IL1RL2: variants seen among roughly 807,000 people sequenced by gnomAD.
IL1RL2 encodes interleukin 1 receptor like 2, also known as interleukin-1 receptor-like 2.
IL1RL2 carries 68 observed loss-of-function variants against 66.8 expected under a neutral mutation model. The observed-to-expected ratio is 1.02, with a 90% CI of 0.84 to 1.25. The LOEUF is 1.25. Ranked by LOEUF, IL1RL2 falls within the 50% of genes most tolerant of loss-of-function variation. IL1RL2 has a pLI of 0.00. For synonymous variants in IL1RL2, 305 were observed against 264.6 expected (o/e 1.15, Z -1.48); for missense variants, 729 against 709.3 (o/e 1.03, Z -0.32).
intron 11 of IL1RL2, among the ~76,000 whole-genome samples, chr2:102,237,214 G>T (rs1029718512): frequency 1.3e-5 from 2 of 152,196 alleles, no homozygotes; most frequent in Non-Finnish European, 2.9e-5. Context: ...GAAGGGGGAA[G>T]GGTGCTGAGA....
chr2:102,209,064 A>G (rs193053847), intron 5 of IL1RL2, among the ~76,000 whole-genome samples: 1 of 152,324 alleles, frequency 6.6e-6, no homozygotes, highest in East Asian at 1.9e-4. Context: ...TTGGTAACTG[A>G]GGGGAAATTT....
At chr2:102,219,843 T>A in intron 7 of IL1RL2, 38 bp from the exon 8 acceptor site, 3 of 1,556,852 alleles carry the variant, frequency 1.9e-6, no homozygotes, top group Non-Finnish European at 2.6e-6. Context: ...TGGGTAAATC[T>A]GACTCATGTA....
chr2:102,205,862 C>T (rs538746557), intron 5 of IL1RL2, among the ~76,000 whole-genome samples: 1 of 152,254 alleles, frequency 6.6e-6, no homozygotes, highest in South Asian at 2.1e-4. Context: ...AAGCCAATAA[C>T]TTTTAGATTT....
Position 102,201,680 on chromosome 2 carries a change from A to C in IL1RL2, c.614A>C (p.Gln205Pro). The change falls in exon 5 of 12, where the codon CAG becomes CCG. Residue 205 changes from glutamine (Q) to proline (P), a missense_variant. By Grantham distance (76) the Gln-to-Pro change is moderately conservative. Transcript: ENST00000264257. ...GCCATACTGACACACTCAGGGAAGC[A>C]GTACGAGGTTTTAAATGGCATCACT... is the stretch of plus-strand genomic sequence containing the variant. ...CQAILTHSGK[Q>P]YEVLNGITVS... 6.2e-7 allele frequency: 1 copy of C among 1,614,064 alleles called. No homozygotes were observed.
chr2:102,234,930 T>G lies in IL1RL2; in HGVS notation c.1331T>G (p.Leu444Arg). Reference protein sequence around the residue: ...VANVIDENVKLCRRLIVIVVP... With the variant: ...VANVIDENVKRCRRLIVIVVP... ...AATGTCATCGATGAAAACGTTAAGC[T>G]GTGCAGGAGGCTGATTGTCATTGTG... The change falls in exon 11 of 12, where the codon CTG becomes CGG. Residue 444 changes from leucine (L) to arginine (R), a missense_variant. Coordinates refer to ENST00000264257, the MANE Select transcript of IL1RL2 (RefSeq NM_003854.4). 1 of 1,614,142 alleles carries G rather than the reference T, an allele frequency of 6.2e-7. No individual in the cohort carries two copies. The highest frequency in any genetic ancestry group is 8.5e-7 in the Non-Finnish European group (1 of 1,179,986).
At chr2:102,201,278 A>G (rs576391372) in intron 4 of IL1RL2, among the ~76,000 whole-genome samples, 88 of 152,262 alleles carry the variant, frequency 5.8e-4, no homozygotes, top group African/African-American at 2.1e-3. Flanking sequence ...TTCAGCCTGT[A>G]AAATATCCTT....
At chr2:102,220,429 T>C (rs916473328) in intron 8 of IL1RL2, among the ~76,000 whole-genome samples, 1 of 152,216 alleles carries the variant, frequency 6.6e-6, no homozygotes, top group African/African-American at 2.4e-5. Context: ...AGAGGCTGAA[T>C]TCTGATATTT....
intron 5 of IL1RL2, among the ~76,000 whole-genome samples, chr2:102,206,485 G>C (rs1328502642): frequency 6.6e-6 from 1 of 152,190 alleles, no homozygotes; most frequent in Admixed American, 6.5e-5. Context: ...TTGCAGACCT[G>C]TAGAGGTACC....
rs536372163 is a variant in IL1RL2 at position 102,211,128 on chromosome 2, A to G, written c.650-972A>G. On this transcript the variant is annotated intron_variant, in intron 5 of 11. Coordinates refer to ENST00000264257, the MANE Select transcript of IL1RL2 (RefSeq NM_003854.4). ...GCTGGGGATAACTTTTGTTTGGGAC[A>G]TGCTGCATTTAAATAGTTTGTGGAA... 6.6e-5 allele frequency among the ~76,000 whole-genome samples: 10 copies of G among 152,350 alleles called. No homozygotes were observed. The South Asian group carries it at 2.1e-3, about 32-fold the overall frequency.
chr2:102,241,258 T>C (rs1433636648), downstream of IL1RL2, among the ~76,000 whole-genome samples: 9 of 152,240 alleles, frequency 5.9e-5, no homozygotes, highest in Non-Finnish European at 7.3e-5. Flanking sequence ...TGTCGCAGTC[T>C]GTCCAAGGGT....
intron 11 of IL1RL2, among the ~76,000 whole-genome samples, chr2:102,238,899 T>A (rs1176233463): frequency 6.6e-6 from 1 of 152,204 alleles, no homozygotes; most frequent in African/African-American, 2.4e-5. Flanking sequence ...AGGCTGTCCC[T>A]GGAGAGGAGC....
At chr2:102,187,803 C>G (rs1686819012) in intron 1 of IL1RL2, 53 bp from the exon 2 acceptor site, 1 of 1,490,276 alleles carries the variant, frequency 6.7e-7, no homozygotes, top group South Asian at 1.1e-5. Context: ...GCCGGCGCCT[C>G]GGGCCCGCCC....
chr2:102,221,369 G>A (rs539817834), intron 8 of IL1RL2, among the ~76,000 whole-genome samples: 13 of 152,112 alleles, frequency 8.5e-5, no homozygotes, highest in Admixed American at 2.0e-4. Context: ...ATATTGAGCT[G>A]TATACTGTCT....
In IL1RL2 at chr2:102,233,055, C is replaced by T. The variant is rs752763057; in HGVS notation, c.1228C>T (p.Pro410Ser). 6.2e-7 allele frequency: 1 copy of T among 1,614,120 alleles called. No individual in the cohort carries two copies. The highest frequency in any genetic ancestry group is 1.1e-5 in the South Asian group (1 of 91,080). ...GGATGCCCTGGTGTTGAATATCCTGCCCGAGGTGTTGGAGAGACAATGTGG... is the reference window on the plus strand; with the variant it reads ...GGATGCCCTGGTGTTGAATATCCTGTCCGAGGTGTTGGAGAGACAATGTGG... ...AVDALVLNIL[P>S]EVLERQCGYK... Residue 410 changes from proline to serine, a missense_variant, in exon 10 of 12, where the codon CCC becomes TCC. By Grantham distance (74) the Pro-to-Ser change is moderately conservative (BLOSUM62 -1). Coordinates refer to ENST00000264257, the MANE Select transcript of IL1RL2 (RefSeq NM_003854.4).
intron 5 of IL1RL2, among the ~76,000 whole-genome samples, chr2:102,202,587 C>T (rs1011500039): frequency 4.0e-5 from 6 of 151,772 alleles, no homozygotes; most frequent in South Asian, 2.1e-4. Context: ...TATTTAATTT[C>T]GTTTAATTCC....
At chr2:102,187,165 G>T (rs1371826681) in intron 1 of IL1RL2, 79 bp downstream of exon 1, 1 of 1,262,560 alleles carries the variant, frequency 7.9e-7, no homozygotes, top group Non-Finnish European at 1.0e-6. Flanking sequence ...AGGAAAAGAC[G>T]TGGCAACAAT....
chr2:102,189,406 T>C, intron 3 of IL1RL2, 96 bp downstream of exon 3: 1 of 729,922 alleles, frequency 1.4e-6, no homozygotes, highest in Non-Finnish European at 2.2e-6. Flanking sequence ...TTGAGAAGAA[T>C]TATGTTGTTG....
At chr2:102,202,186 C>T (rs60048771) in intron 5 of IL1RL2, among the ~76,000 whole-genome samples, 1 of 152,198 alleles carries the variant, frequency 6.6e-6, no homozygotes, top group Admixed American at 6.5e-5. Flanking sequence ...GACCTGTGTT[C>T]TCAGCCCAGA....
chr2:102,220,302 G>A (rs746645244), intron 8 of IL1RL2, among the ~76,000 whole-genome samples: 26 of 152,212 alleles, frequency 1.7e-4, no homozygotes, highest in African/African-American at 5.3e-4. Flanking sequence ...TTTATTAAGC[G>A]TGATTGCCAA....
Sources: gnomAD v4.1 joint callset for allele counts (sites outside exome capture counted in the v4.1 genomes callset) on GRCh38, gnomAD v4.1.1 for gene constraint, MANE v1.5 for transcripts, NCBI Gene and HGNC (gene_info 2026-07-23, HGNC 2026-07-21) for gene names.